Variants in SLIT3 observed in about 807,000 individuals in gnomAD.
SLIT3 encodes slit homolog 3 protein.
In SLIT3, 68 loss-of-function variants were observed where a neutral mutation model predicts 184.0. That is an observed-to-expected ratio of 0.37 (90% CI 0.30 to 0.45). The LOEUF is 0.45. Among genes scored for constraint, SLIT3 ranks in the 20% least tolerant of loss-of-function variants. The pLI is 1.00. For missense variants in SLIT3, 1,707 were observed against 2,026.0 expected (o/e 0.84, Z 3.02); for synonymous variants, 831 against 828.6 (o/e 1.00, Z -0.05).
chr5:168,941,634 C>G (rs894076673), intron 4 of SLIT3, among the ~76,000 whole-genome samples: 2 of 152,180 alleles, frequency 1.3e-5, no homozygotes, highest in African/African-American at 4.8e-5. Flanking sequence ...CTGACTTGCC[C>G]TTTCAGGTAA....
intron 4 of SLIT3, among the ~76,000 whole-genome samples, chr5:169,115,273 C>G (rs1195688262): frequency 6.6e-6 from 1 of 152,110 alleles, no homozygotes; most frequent in Admixed American, 6.5e-5. Context: ...CTTTTCTTCC[C>G]CATCCCACCT....
intron 1 of SLIT3, among the ~76,000 whole-genome samples, chr5:169,256,630 A>G (rs897830496): frequency 6.6e-6 from 1 of 152,196 alleles, no homozygotes; most frequent in African/African-American, 2.4e-5. Context: ...GAGAGGTGGA[A>G]CAGAAAGGAG....
chr5:168,772,199 G>A (rs543843104), intron 14 of SLIT3: 3 of 152,300 alleles, frequency 2.0e-5, no homozygotes, highest in African/African-American at 4.8e-5. Context: ...TCCCAAGCAC[G>A]ACTCTTTACT....
chr5:169,076,819 G>A (rs1252041325), intron 4 of SLIT3, among the ~76,000 whole-genome samples: 1 of 152,122 alleles, frequency 6.6e-6, no homozygotes, highest in African/African-American at 2.4e-5. Context: ...TCGAGTACAG[G>A]ACTTGACAGT....
intron 4 of SLIT3, among the ~76,000 whole-genome samples, chr5:169,111,490 A>G (rs1581420676): frequency 6.6e-6 from 1 of 152,172 alleles, no homozygotes; most frequent in Non-Finnish European, 1.5e-5. Context: ...GGTGGCTCAC[A>G]CCTGTAATCC....
chr5:169,261,300 G>T (rs890040088), intron 1 of SLIT3, among the ~76,000 whole-genome samples: 1 of 138,126 alleles, frequency 7.2e-6, no homozygotes, highest in Non-Finnish European at 1.5e-5. Context: ...GAGAGAAAAA[G>T]AATTTTAGGT....
intron 4 of SLIT3, among the ~76,000 whole-genome samples, chr5:169,097,506 T>C (rs2113219683): frequency 6.6e-6 from 1 of 152,330 alleles, no homozygotes; most frequent in Admixed American, 6.5e-5. Context: ...CACTGTGACA[T>C]GTAGACGCAT....
chr5:168,835,305 G>C (rs1432423064), intron 6 of SLIT3, among the ~76,000 whole-genome samples: 2 of 152,228 alleles, frequency 1.3e-5, no homozygotes, highest in Non-Finnish European at 2.9e-5. Context: ...CACATCTGCT[G>C]TTTTCATTCA....
intron 20 of SLIT3, among the ~76,000 whole-genome samples, chr5:168,746,223 G>A (rs1763794851): frequency 6.6e-6 from 1 of 152,156 alleles, no homozygotes; most frequent in African/African-American, 2.4e-5. Flanking sequence ...TGTGCATGGG[G>A]CCTGGCAAAA....
At chr5:169,271,530 A>T (rs66954503) in intron 1 of SLIT3, among the ~76,000 whole-genome samples, 3 of 151,970 alleles carry the variant, frequency 2.0e-5, no homozygotes, top group Admixed American at 6.6e-5. Flanking sequence ...GGGCATTGCG[A>T]GGGGGTAGAG....
chr5:168,920,371 TC>T (rs1436078183), intron 4 of SLIT3, among the ~76,000 whole-genome samples: 1 of 152,034 alleles, frequency 6.6e-6, no homozygotes, highest in Non-Finnish European at 1.5e-5. Flanking sequence ...GGTGGCTAAC[TC>T]CCTTCTCCAG....
At chr5:168,754,190 G>C (rs1448351482) in intron 16 of SLIT3, among the ~76,000 whole-genome samples, 183 bp from the exon 17 acceptor site, 1 of 152,212 alleles carries the variant, frequency 6.6e-6, no homozygotes, top group Non-Finnish European at 1.5e-5. Context: ...GGCCCAGGGA[G>C]CAGGGACCCT....
intron 3 of SLIT3, among the ~76,000 whole-genome samples, chr5:169,211,839 A>G (rs555434620): frequency 3.3e-5 from 5 of 151,958 alleles, no homozygotes; most frequent in East Asian, 1.9e-4. Context: ...CCCTGTGTCC[A>G]TGTGTTCTCA....
intron 4 of SLIT3, among the ~76,000 whole-genome samples, chr5:168,903,132 T>C (rs553838273): frequency 6.6e-6 from 1 of 152,218 alleles, no homozygotes; most frequent in Non-Finnish European, 1.5e-5. Flanking sequence ...AAAAAATAAC[T>C]GATATTTCAG....
chr5:168,696,373 C>T lies in SLIT3; in HGVS notation c.3001G>A (p.Glu1001Lys). The T allele has an allele frequency of 6.2e-7, 1 of 1,614,176 alleles. No individual in the cohort carries two copies. The highest frequency in any genetic ancestry group is 8.5e-7 in the Non-Finnish European group (1 of 1,180,036). Residue 1001 changes from glutamate (E) to lysine (K), a missense_variant, in exon 28 of 36, where the codon GAG becomes AAG. Glu to Lys is a moderately conservative substitution (Grantham distance 56). Around this residue, in one of 3 missense-constraint regions of SLIT3, gnomAD observed 1,307 missense variants for 1,511.6 expected, o/e 0.86. Coordinates refer to ENST00000519560, the MANE Select transcript of SLIT3 (RefSeq NM_003062.4). ...GCATTGTTTTCGCAGTCGTTGTCCT[C>T]ACAGTCATCTGGGTTGATCTCACAC... ...QRCEINPDDCEDNDCENNATC... is the reference protein window; with the variant it reads ...QRCEINPDDCKDNDCENNATC...
chr5:169,148,523 A>AG (rs1232475095), intron 4 of SLIT3, among the ~76,000 whole-genome samples: 1 of 152,228 alleles, frequency 6.6e-6, no homozygotes, highest in Non-Finnish European at 1.5e-5. Flanking sequence ...TCATGCTCTT[A>AG]ATAAGTCTGA....
chr5:169,192,127 C>T (rs1284966750), intron 4 of SLIT3, among the ~76,000 whole-genome samples: 1 of 152,132 alleles, frequency 6.6e-6, no homozygotes, highest in African/African-American at 2.4e-5. Flanking sequence ...CATAGTTTAT[C>T]CAGCTCTTCT....
intron 4 of SLIT3, among the ~76,000 whole-genome samples, chr5:168,940,284 C>G (rs1762289553): frequency 6.6e-6 from 1 of 152,144 alleles, no homozygotes. Context: ...CTGGATGGTG[C>G]TTCTATAGTT....
chr5:169,198,581 G>T (rs1251748140), intron 3 of SLIT3, among the ~76,000 whole-genome samples: 1 of 152,168 alleles, frequency 6.6e-6, no homozygotes, highest in Non-Finnish European at 1.5e-5. Flanking sequence ...TTTACAGATA[G>T]TAAGAGGGAG....
Sources: gnomAD v4.1 joint callset for allele counts (sites outside exome capture counted in the v4.1 genomes callset) on GRCh38, gnomAD v4.1.1 for gene constraint, gnomAD v4.1.1 regional missense constraint, MANE v1.5 for transcripts, NCBI Gene and HGNC (gene_info 2026-07-23, HGNC 2026-07-21) for gene names.